CASP8: variants seen among roughly 807,000 people sequenced by gnomAD.
The protein encoded by CASP8 is caspase-8.
Under a neutral mutation model 46.3 loss-of-function variants are expected in CASP8, and 24 were observed. The observed-to-expected ratio is 0.52, with a 90% CI of 0.38 to 0.73. CASP8 has a LOEUF of 0.73. Among genes scored for constraint, CASP8 ranks in the 30% least tolerant of loss-of-function variants. The pLI is 0.00. For missense variants in CASP8, 460 were observed against 559.0 expected (o/e 0.82, Z 1.79); for synonymous variants, 188 against 200.4 (o/e 0.94, Z 0.52).
chr2:201,276,411 A>C (rs1396246000), intron 6 of CASP8, among the ~76,000 whole-genome samples: 1 of 152,206 alleles, frequency 6.6e-6, no homozygotes, highest in East Asian at 1.9e-4. Context: ...GAGAATCACA[A>C]GTCATGGCGT....
Position 201,286,812 on chromosome 2 carries a change from G to T in CASP8, c.*218G>T. The T allele has an allele frequency of 2.2e-6, 1 of 444,532 alleles. No homozygotes were observed. Among genetic ancestry groups the T allele is most frequent in the Non-Finnish European group, 4.2e-6 (1 of 239,474 alleles). 27.5% of individuals were successfully genotyped at this position (444,532 alleles called of 1,614,324 possible). ...TTAAAAATATTTTTAGTAGAGACAG[G>T]GTTTCACTGTGTTAGCCAGGGTGGT... On this transcript the variant is annotated 3_prime_UTR_variant, in exon 9 of 9. Coordinates refer to ENST00000673742, the MANE Select transcript of CASP8 (RefSeq NM_001372051.1).
At chr2:201,257,305 A>G (rs567039127), upstream of CASP8, among the ~76,000 whole-genome samples, 259 of 151,644 alleles carry the variant, frequency 1.7e-3, 2 homozygotes, top group African/African-American at 5.8e-3. Context: ...AACATGGTGA[A>G]TCCCCATCTC....
At chr2:201,284,777 A>G in intron 7 of CASP8, 39 bp from the exon 8 acceptor site, 1 of 1,598,678 alleles carries the variant, frequency 6.3e-7, no homozygotes, top group Non-Finnish European at 8.5e-7. Flanking sequence ...TCTGTGAATT[A>G]CTGTGGTATA....
At chr2:201,250,492 C>CGA (rs1454170082) in intron 2 of CASP8, among the ~76,000 whole-genome samples, 1 of 152,136 alleles carries the variant, frequency 6.6e-6, no homozygotes, top group Non-Finnish European at 1.5e-5. Context: ...AAAGGGGGAG[C>CGA]GAGACATCTC....
chr2:201,258,397 C>T (rs1947141648), upstream of CASP8: 1 of 1,613,738 alleles, frequency 6.2e-7, no homozygotes, highest in Non-Finnish European at 8.5e-7. Context: ...GTGCCTGTTG[C>T]CAAGGTGGCC....
chr2:201,241,246 A>T (rs996116081), intron 2 of CASP8: 3 of 152,182 alleles, frequency 2.0e-5, no homozygotes, highest in Non-Finnish European at 4.4e-5. Context: ...AAATCAACAA[A>T]TTTTTTGAAA....
At chr2:201,239,872 G>T (rs1329522385) in intron 2 of CASP8, among the ~76,000 whole-genome samples, 1 of 152,216 alleles carries the variant, frequency 6.6e-6, no homozygotes, top group East Asian at 1.9e-4. Flanking sequence ...GCATTTGTCT[G>T]TTGATAAGTG....
chr2:201,277,482 T>C (rs189792840), intron 7 of CASP8, among the ~76,000 whole-genome samples: 1 of 152,306 alleles, frequency 6.6e-6, no homozygotes, highest in African/African-American at 2.4e-5. Context: ...AAAAAACAAT[T>C]TGTAGTATGT....
intron 2 of CASP8, among the ~76,000 whole-genome samples, chr2:201,247,068 G>A (rs895478635): frequency 1.3e-5 from 2 of 151,608 alleles, no homozygotes; most frequent in African/African-American, 2.4e-5. Context: ...AGTGGCAGGC[G>A]CCTGTATTCT....
chr2:201,241,308 CCTAG>C (rs896426293), intron 2 of CASP8: 3 of 151,818 alleles, frequency 2.0e-5, no homozygotes, highest in East Asian at 1.9e-4. Flanking sequence ...TCAACAAATC[CCTAG>C]TTAGGCTAAG....
At chr2:201,261,910 G>A (rs903347758) in intron 1 of CASP8, 4 of 152,180 alleles carry the variant, frequency 2.6e-5, no homozygotes, top group African/African-American at 9.6e-5. Context: ...ATTGTGACAT[G>A]TAATACAGTG....
intron 2 of CASP8, among the ~76,000 whole-genome samples, chr2:201,248,537 A>G (rs1559333881): frequency 6.6e-6 from 1 of 152,222 alleles, no homozygotes; most frequent in Non-Finnish European, 1.5e-5. Flanking sequence ...TCACTTTGGT[A>G]CTATTGATCT....
At position 201,272,849 on chromosome 2, in the gene CASP8, A is replaced by G. The variant is rs1450511440; in HGVS notation, c.551-49A>G. ...TGAAACTGACAAATCGCTCCATATC[A>G]CAGTTGTTTCTAATCAAATATTGTT... On this transcript the variant is annotated intron_variant, in intron 4 of 8. Coordinates refer to ENST00000673742, the MANE Select transcript of CASP8 (RefSeq NM_001372051.1). The surrounding 1 kb of genome is among the most constrained non-coding windows in gnomAD (Gnocchi z 4.4). 1.2e-6 allele frequency: 2 copies of G among 1,613,544 alleles called. No individual in the cohort carries two copies.
At chr2:201,274,448 T>C (rs985317805) in intron 5 of CASP8, among the ~76,000 whole-genome samples, 2 of 152,188 alleles carry the variant, frequency 1.3e-5, no homozygotes, top group African/African-American at 4.8e-5. Context: ...GGAGATTATA[T>C]TCATGGCAGT....
chr2:201,262,590 C>T (rs985131660), intron 1 of CASP8, among the ~76,000 whole-genome samples: 1 of 152,164 alleles, frequency 6.6e-6, no homozygotes, highest in Middle Eastern at 3.4e-3. Context: ...AGAATTACTT[C>T]CAAATGGCAA....
chr2:201,258,450 C>T, upstream of CASP8: 1 of 1,591,658 alleles, frequency 6.3e-7, no homozygotes, highest in East Asian at 2.2e-5. Flanking sequence ...TTGACTTGCT[C>T]TAGAAACAGG....
At chr2:201,256,241 G>A (rs1947012083), upstream of CASP8, among the ~76,000 whole-genome samples, 1 of 152,200 alleles carries the variant, frequency 6.6e-6, no homozygotes, top group African/African-American at 2.4e-5. Flanking sequence ...TTAATGTTTA[G>A]GTGGTGACTA....
At chr2:201,245,802 C>A (rs969806453) in intron 2 of CASP8, among the ~76,000 whole-genome samples, 1 of 152,052 alleles carries the variant, frequency 6.6e-6, no homozygotes, top group African/African-American at 2.4e-5. Context: ...CTTTGCTGCC[C>A]TTTCCTGGCC....
intron 2 of CASP8, among the ~76,000 whole-genome samples, chr2:201,253,293 CTTTTTTTTTTTTT>C (rs34341476): frequency 5.9e-4 from 40 of 67,966 alleles, no homozygotes; most frequent in East Asian, 1.9e-3. Flanking sequence ...CTAGCCTGAT[CTTTTTTTTTTTTT>C]TTTTTTTTTT....
Sources: gnomAD v4.1 joint callset for allele counts (sites outside exome capture counted in the v4.1 genomes callset) on GRCh38, gnomAD v4.1.1 for gene constraint, Gnocchi (gnomAD v3.1) non-coding constraint, MANE v1.5 for transcripts, NCBI Gene and HGNC (gene_info 2026-07-23, HGNC 2026-07-21) for gene names.